Variants in CACNA1C observed in about 807,000 individuals in gnomAD.
CACNA1C encodes voltage-dependent L-type calcium channel subunit alpha-1C.
A neutral mutation model predicts 229.0 loss-of-function variants in CACNA1C; 30 were observed. The observed-to-expected ratio is 0.13, with a 90% CI of 0.10 to 0.18. The LOEUF is 0.18. Among genes scored for constraint, CACNA1C ranks in the 10% least tolerant of loss-of-function variants. The probability of loss-of-function intolerance (pLI) is 1.00; values close to 1 mark genes in which losing one functional copy is unlikely to be tolerated. For synonymous variants in CACNA1C, 1,114 were observed against 1,132.5 expected, an observed-to-expected ratio of 0.98 and a Z score of 0.33; for missense variants, 1,658 against 2,845.0, an observed-to-expected ratio of 0.58 and a Z score of 9.49.
Position 2,449,023 on chromosome 12 carries a change from T to C in CACNA1C, c.525T>C (p.Phe175=). The C allele has an allele frequency of 6.2e-7, 1 of 1,608,102 alleles. No homozygotes were observed. Among genetic ancestry groups the C allele is most frequent in the Non-Finnish European group, 8.5e-7 (1 of 1,175,684 alleles). The change falls in exon 4 of 47, where the codon TTT becomes TTC. Residue 175 remains phenylalanine (F), a synonymous_variant. Coordinates refer to ENST00000399655, the MANE Select transcript of CACNA1C (RefSeq NM_000719.7). The part of the protein sequence containing the change: ...LFLIIFTVEA[F]LKVIAYGLLF... ...TCATAATTTTTACGGTGGAAGCGTT[T>C]TTAAAAGTAATCGCCTATGGACTCC... is the stretch of plus-strand genomic sequence containing the variant.
chr12:2,691,132 TGC>T lies in CACNA1C; in HGVS notation c.6358_6359del (p.Arg2120GlyfsTer5), dbSNP rs775289372. The T allele has an allele frequency of 6.2e-7, 1 of 1,607,870 alleles. No homozygotes were observed. The highest frequency in any genetic ancestry group is 2.2e-5 in the East Asian group (1 of 44,642). ...GGGGGCGAAGAGGACGCGGGCTGTG[TGC>T]GCGCGCGGGGTCGACCGAGTGAGGA... On this transcript the variant is annotated frameshift_variant, in exon 47 of 47. Transcript: ENST00000399655. LOFTEE classifies it low-confidence loss of function (END_TRUNC).
intron 1 of CACNA1C, among the ~76,000 whole-genome samples, chr12:2,040,825 T>A (rs1004141141): frequency 6.6e-6 from 1 of 152,216 alleles, no homozygotes; most frequent in African/African-American, 2.4e-5. Context: ...CATACTAACA[T>A]TTCACTTTGT....
intron 3 of CACNA1C, among the ~76,000 whole-genome samples, chr12:2,431,438 C>T (rs1274185865): frequency 6.6e-6 from 1 of 152,166 alleles, no homozygotes; most frequent in African/African-American, 2.4e-5. Context: ...AGATGATGCT[C>T]TTACTGCCAC....
In CACNA1C at chr12:2,006,227, G is replaced by A. The variant is rs565256402; in HGVS notation, c.139+35026G>A. 7.9e-5 allele frequency among the ~76,000 whole-genome samples: 12 copies of A among 152,158 alleles called. No homozygotes were observed. In the South Asian group the frequency reaches 2.3e-3, roughly 29 times the overall value. On this transcript the variant is annotated intron_variant, in intron 1 of 46. Coordinates refer to the CACNA1C transcript ENST00000682462. ...GTTCAAGACCAGCCTGGCCAACATG[G>A]TGAAACCCCGTCTCTACTAAAAATA...
At chr12:2,248,682 C>G (rs1418550156) in intron 3 of CACNA1C, among the ~76,000 whole-genome samples, 1 of 152,252 alleles carries the variant, frequency 6.6e-6, no homozygotes, top group Non-Finnish European at 1.5e-5. Context: ...TCGAAGAGAA[C>G]AGTGTCTACC....
At chr12:2,416,640 A>C (rs934187724) in intron 3 of CACNA1C, among the ~76,000 whole-genome samples, 1 of 152,200 alleles carries the variant, frequency 6.6e-6, no homozygotes, top group African/African-American at 2.4e-5. Context: ...CTGCAGTAAG[A>C]TGTACAAGGC....
intron 3 of CACNA1C, among the ~76,000 whole-genome samples, chr12:2,200,631 G>A (rs1273201919): frequency 2.0e-5 from 3 of 152,216 alleles, no homozygotes; most frequent in African/African-American, 7.2e-5. Context: ...TCTGTTGCAG[G>A]AACCGGGATA....
intron 5 of CACNA1C, among the ~76,000 whole-genome samples, chr12:2,473,237 C>T (rs975333906): frequency 1.3e-5 from 2 of 152,290 alleles, no homozygotes; most frequent in African/African-American, 2.4e-5. Flanking sequence ...ACCTGTACAA[C>T]CCAGCCCTAA....
At chr12:2,199,374 G>A (rs896018680) in intron 3 of CACNA1C, among the ~76,000 whole-genome samples, 10 of 152,138 alleles carry the variant, frequency 6.6e-5, no homozygotes, top group Non-Finnish European at 1.0e-4. Context: ...ATGTGAAGAC[G>A]ATGAGGGTGA....
intron 3 of CACNA1C, among the ~76,000 whole-genome samples, chr12:2,265,920 TA>T (rs2154408788): frequency 6.6e-6 from 1 of 152,354 alleles, no homozygotes; most frequent in Admixed American, 6.5e-5. Context: ...CTGTGTTATT[TA>T]TCTCAGCATC....
At chr12:2,494,247 G>T (rs1216073700) in intron 7 of CACNA1C, among the ~76,000 whole-genome samples, 1 of 152,152 alleles carries the variant, frequency 6.6e-6, no homozygotes, top group Non-Finnish European at 1.5e-5. Context: ...ACACTACTTT[G>T]CTGCGCTTTG....
chr12:2,201,384 T>C (rs1026650759), intron 3 of CACNA1C, among the ~76,000 whole-genome samples: 2 of 152,210 alleles, frequency 1.3e-5, no homozygotes, highest in Non-Finnish European at 2.9e-5. Flanking sequence ...TCAATACCAT[T>C]GTGCTACAAA....
rs2094958972 is a variant in CACNA1C at position 2,651,453 on chromosome 12, A to G, written c.3946-187A>G. ...GGCACAGTCTAGCTCTGCAGAGACC[A>G]TGGGGCTGGGCTGTCCACTCATTAA... On this transcript the variant is annotated intron_variant, in intron 31 of 46. Coordinates refer to ENST00000399655, the MANE Select transcript of CACNA1C (RefSeq NM_000719.7). This position sits in a 1 kb window ranked among gnomAD's most constrained non-coding sequence, Gnocchi z 5.4. 1.4e-6 allele frequency: 1 copy of G among 732,028 alleles called. No homozygotes were observed. Among genetic ancestry groups the G allele is most frequent in the South Asian group, 1.7e-5 (1 of 58,616 alleles). The allele number at this position is 732,028 out of a possible 1,614,324, so 45.3% of individuals were successfully genotyped here.
intron 3 of CACNA1C, among the ~76,000 whole-genome samples, chr12:2,421,931 C>T (rs926566606): frequency 6.6e-6 from 1 of 151,852 alleles, no homozygotes; most frequent in Non-Finnish European, 1.5e-5. Flanking sequence ...AAAAGCATCG[C>T]AATTCTCTGT....
At chr12:2,523,875 G>C (rs1182883931) in intron 9 of CACNA1C, among the ~76,000 whole-genome samples, 1 of 152,150 alleles carries the variant, frequency 6.6e-6, no homozygotes, top group African/African-American at 2.4e-5. Context: ...CTACACTACA[G>C]TTACCCTTGC....
At chr12:2,179,122 G>A (rs2096755349) in intron 3 of CACNA1C, among the ~76,000 whole-genome samples, 1 of 152,170 alleles carries the variant, frequency 6.6e-6, no homozygotes, top group Admixed American at 6.5e-5. Context: ...GGTCTTTTCT[G>A]TACTTAGAAC....
In CACNA1C at chr12:2,504,954, G is replaced by C; in HGVS notation, c.1217+9G>C. 2 of 1,361,600 alleles carry C rather than the reference G, an allele frequency of 1.5e-6. No individual in the cohort carries two copies. The highest frequency in any genetic ancestry group is 2.1e-6 in the Non-Finnish European group (2 of 951,688). The allele number at this position is 1,361,600 out of a possible 1,614,324, so 84.3% of individuals were successfully genotyped here. A position where few individuals can be genotyped will look rare whatever the true frequency, so the allele number is the denominator to read the frequency against. ...CTCGGTGTGCTTAGCGGGTAAGCAG[G>C]ACCAAGGAAAAAGGTCTTGATTTTT... On this transcript the variant is annotated intron_variant, in intron 8 of 46. Transcript: ENST00000399655. This position sits in a 1 kb window ranked among gnomAD's most constrained non-coding sequence, Gnocchi z 6.8.
intron 3 of CACNA1C, among the ~76,000 whole-genome samples, chr12:2,317,970 C>T (rs2095782274): frequency 1.3e-5 from 2 of 152,110 alleles, no homozygotes; most frequent in South Asian, 4.1e-4. Context: ...GGAGAAGCTC[C>T]GGGAGCCAGG....
At chr12:2,230,497 AGTGTC>A (rs2064709347) in intron 3 of CACNA1C, among the ~76,000 whole-genome samples, 1 of 152,196 alleles carries the variant, frequency 6.6e-6, no homozygotes, top group African/African-American at 2.4e-5. Flanking sequence ...GTAGAACCTG[AGTGTC>A]CAAAAGGCTA....
Sources: gnomAD v4.1 joint callset for allele counts (sites outside exome capture counted in the v4.1 genomes callset) on GRCh38, gnomAD v4.1.1 for gene constraint, Gnocchi (gnomAD v3.1) non-coding constraint, MANE v1.5 for transcripts, NCBI Gene and HGNC (gene_info 2026-07-23, HGNC 2026-07-21) for gene names.